RBFOX1: variants seen among roughly 807,000 people sequenced by gnomAD.
RBFOX1 encodes RNA binding fox-1 homolog 1.
Under a neutral mutation model 57.7 loss-of-function variants are expected in RBFOX1, and 8 were observed. That is an observed-to-expected ratio of 0.14 (90% confidence interval 0.08 to 0.25). The LOEUF (loss-of-function observed/expected upper bound fraction) is 0.25. RBFOX1 is among the 10% of genes least tolerant of loss of function. RBFOX1 has a pLI of 1.00. For synonymous variants in RBFOX1, 326 were observed against 222.4 expected, an observed-to-expected ratio of 1.47 and a Z score of -4.15; for missense variants, 611 against 548.5, an observed-to-expected ratio of 1.11 and a Z score of -1.14.
At chr16:5,622,287 T>C (rs1596486341) in intron 3 of RBFOX1, among the ~76,000 whole-genome samples, 1 of 152,320 alleles carries the variant, frequency 6.6e-6, no homozygotes, top group East Asian at 1.9e-4. Context: ...ATCTTCTGTT[T>C]GTCATGCTTC....
intron 2 of RBFOX1, among the ~76,000 whole-genome samples, chr16:6,350,691 G>C (rs1462156408): frequency 2.0e-5 from 3 of 151,992 alleles, no homozygotes; most frequent in African/African-American, 7.3e-5. Context: ...TAATTACTAG[G>C]TCCTAAAGCA....
chr16:5,367,415 G>A (rs2065747405), intron 1 of RBFOX1, among the ~76,000 whole-genome samples: 1 of 152,180 alleles, frequency 6.6e-6, no homozygotes, highest in Admixed American at 6.5e-5. Context: ...ACTGATGTGG[G>A]AGGGAACTGT....
chr16:6,955,596 C>G (rs1178756045), intron 3 of RBFOX1, among the ~76,000 whole-genome samples: 4 of 152,090 alleles, frequency 2.6e-5, no homozygotes, highest in African/African-American at 9.7e-5. Context: ...TATGCTGGTG[C>G]ATTGTATTGC....
At chr16:6,501,659 C>G (rs1424912675) in intron 2 of RBFOX1, among the ~76,000 whole-genome samples, 1 of 152,128 alleles carries the variant, frequency 6.6e-6, no homozygotes, top group Non-Finnish European at 1.5e-5. Flanking sequence ...TTCTTATAGA[C>G]AAGGGCTCCT....
Position 5,617,083 on chromosome 16 carries a change from TTCCCTCCCTCAC to T in RBFOX1, c.318+18130_318+18141del, listed in dbSNP as rs1446886683. ...AATTTCCCTCAGATCTAGCCATCCATTCCCTCCCTCACTCCCTCCTTCCCTCCCTCCGTCCGT... is the reference window on the plus strand; with the variant it reads ...AATTTCCCTCAGATCTAGCCATCCATTCCCTCCTTCCCTCCCTCCGTCCGT... On this transcript the variant is annotated intron_variant, in intron 3 of 19. Coordinates refer to the RBFOX1 transcript ENST00000641259. Among the ~76,000 whole-genome samples, 4 of 151,162 alleles carry T rather than the reference TTCCCTCCCTCAC, an allele frequency of 2.6e-5. No individual in the cohort carries two copies. In the East Asian group the frequency reaches 5.9e-4, roughly 22 times the overall value.
At chr16:6,563,922 A>C (rs539427930) in intron 2 of RBFOX1, among the ~76,000 whole-genome samples, 2 of 151,810 alleles carry the variant, frequency 1.3e-5, no homozygotes, top group African/African-American at 4.8e-5. Flanking sequence ...GTGTGTATAT[A>C]TATATATCCC....
chr16:5,648,531 G>T (rs2049122986), intron 3 of RBFOX1, among the ~76,000 whole-genome samples: 1 of 152,088 alleles, frequency 6.6e-6, no homozygotes, highest in East Asian at 1.9e-4. Context: ...GCGGGGAGGT[G>T]GTACTGGCAT....
chr16:7,456,457 C>T (rs573874297), intron 4 of RBFOX1, among the ~76,000 whole-genome samples: 1 of 152,318 alleles, frequency 6.6e-6, no homozygotes, highest in East Asian at 1.9e-4. Flanking sequence ...AAGCTGTAAA[C>T]ACAAGACAGG....
At chr16:6,421,584 A>T (rs534035437) in intron 2 of RBFOX1, among the ~76,000 whole-genome samples, 60 of 152,350 alleles carry the variant, frequency 3.9e-4, no homozygotes, top group African/African-American at 1.4e-3. Context: ...TATATTTTGC[A>T]TAATGTGGAA....
intron 3 of RBFOX1, among the ~76,000 whole-genome samples, chr16:6,957,163 G>C (rs1269882889): frequency 4.6e-5 from 4 of 87,700 alleles, no homozygotes; most frequent in African/African-American, 1.3e-4. Flanking sequence ...ATGGAGTCTT[G>C]CTCTGTCACC....
At chr16:7,461,128 C>G (rs1047675441) in intron 4 of RBFOX1, among the ~76,000 whole-genome samples, 1 of 151,978 alleles carries the variant, frequency 6.6e-6, no homozygotes, top group Non-Finnish European at 1.5e-5. Context: ...TTATATTTCA[C>G]GTGGTTGATA....
chr16:5,414,756 T>C (rs1351218525), intron 1 of RBFOX1, among the ~76,000 whole-genome samples: 2 of 152,158 alleles, frequency 1.3e-5, no homozygotes, highest in African/African-American at 2.4e-5. Flanking sequence ...ACTGGTTGGA[T>C]CTTAAGGGTG....
intron 4 of RBFOX1, among the ~76,000 whole-genome samples, chr16:7,380,696 C>T (rs2097769908): frequency 6.6e-6 from 1 of 152,214 alleles, no homozygotes; most frequent in Non-Finnish European, 1.5e-5. Flanking sequence ...CCAGTCGTTT[C>T]ATACAACTGT....
At chr16:7,115,590 T>C (rs1301092137) in intron 4 of RBFOX1, among the ~76,000 whole-genome samples, 1 of 152,192 alleles carries the variant, frequency 6.6e-6, no homozygotes, top group African/African-American at 2.4e-5. Flanking sequence ...GGAAGTTTGC[T>C]GCCCACAGAT....
At chr16:6,975,923 C>G (rs539327315) in intron 3 of RBFOX1, among the ~76,000 whole-genome samples, 7 of 152,018 alleles carry the variant, frequency 4.6e-5, no homozygotes, top group East Asian at 1.9e-4. Context: ...GTCAGGAGTT[C>G]CAGATCATGC....
chr16:6,901,836 A>G (rs2068578413), intron 3 of RBFOX1, among the ~76,000 whole-genome samples: 1 of 152,214 alleles, frequency 6.6e-6, no homozygotes, highest in East Asian at 1.9e-4. Flanking sequence ...TGTTAAATAT[A>G]AAGTGGGAAT....
intron 3 of RBFOX1, among the ~76,000 whole-genome samples, chr16:6,942,373 T>C (rs1444247160): frequency 2.0e-5 from 3 of 152,184 alleles, no homozygotes; most frequent in African/African-American, 4.8e-5. Context: ...TTGCCCAGGC[T>C]GATCTCGAAC....
intron 1 of RBFOX1, among the ~76,000 whole-genome samples, chr16:6,238,090 C>CAAAA (rs368995420): frequency 1.2e-3 from 75 of 64,032 alleles, no homozygotes; most frequent in African/African-American, 1.6e-3. Flanking sequence ...GACTCTGTCT[C>CAAAA]AAAAAAAAAA....
At chr16:6,502,999 A>G (rs533623356) in intron 2 of RBFOX1, among the ~76,000 whole-genome samples, 85 of 152,260 alleles carry the variant, frequency 5.6e-4, no homozygotes, top group Admixed American at 5.0e-3. Context: ...ATATTAATGT[A>G]TAGATAGATA....
Sources: gnomAD v4.1 joint callset for allele counts (sites outside exome capture counted in the v4.1 genomes callset) on GRCh38, gnomAD v4.1.1 for gene constraint, MANE v1.5 for transcripts, NCBI Gene and HGNC (gene_info 2026-07-23, HGNC 2026-07-21) for gene names.